The following AEBP2 variants were observed in gnomAD, a reference collection of about 807,000 sequenced individuals.
AEBP2 encodes the protein zinc finger protein AEBP2.
Under a neutral mutation model 50.8 loss-of-function variants are expected in AEBP2, and 10 were observed. The ratio of observed to expected loss-of-function variants is 0.20; its 90% CI spans 0.12 to 0.33. The LOEUF is 0.33. Among genes scored for constraint, AEBP2 ranks in the 10% least tolerant of loss-of-function variants. The probability of loss-of-function intolerance (pLI) is 1.00; values close to 1 mark genes in which losing one functional copy is unlikely to be tolerated. For missense variants in AEBP2, 570 were observed against 688.0 expected, an observed-to-expected ratio of 0.83 and a Z score of 1.92; for synonymous variants, 296 against 261.3, an observed-to-expected ratio of 1.13 and a Z score of -1.28.
chr12:19,455,270 G>A (rs74234807), intron 1 of AEBP2, among the ~76,000 whole-genome samples: 7,295 of 152,136 alleles, frequency 0.048, 396 homozygotes, highest in Admixed American at 0.15. Flanking sequence ...TGGGATTGTA[G>A]GCGTGAGCCA....
chr12:19,413,972 C>T (rs1818106305), intron 1 of AEBP2, among the ~76,000 whole-genome samples: 1 of 151,882 alleles, frequency 6.6e-6, no homozygotes, highest in Admixed American at 6.6e-5. Flanking sequence ...CAGCTCACTG[C>T]AACCTCTGCT....
chr12:19,446,183 AATACT>A (rs1383835302), intron 1 of AEBP2: 44 of 152,334 alleles, frequency 2.9e-4, no homozygotes, highest in African/African-American at 9.9e-4. Flanking sequence ...ATTGGTCTTA[AATACT>A]AAGACCCATT....
At chr12:19,468,156 GTA>G (rs1555184151) in intron 2 of AEBP2, among the ~76,000 whole-genome samples, 3 of 150,358 alleles carry the variant, frequency 2.0e-5, no homozygotes, top group Non-Finnish European at 2.9e-5. Flanking sequence ...GTGTGTGTGT[GTA>G]TGTGTTTTTA....
intron 1 of AEBP2, among the ~76,000 whole-genome samples, chr12:19,425,860 G>T (rs2095748261): frequency 6.6e-6 from 1 of 151,302 alleles, no homozygotes; most frequent in South Asian, 2.1e-4. Flanking sequence ...CCTTATGTTT[G>T]CATGAACAGC....
intron 5 of AEBP2, among the ~76,000 whole-genome samples, chr12:19,511,996 G>T (rs547719273): frequency 6.6e-6 from 1 of 152,040 alleles, no homozygotes; most frequent in Non-Finnish European, 1.5e-5. Context: ...ATCTCTTCCA[G>T]GGTATGAACA....
chr12:19,445,829 T>A (rs917260400), intron 1 of AEBP2: 1 of 152,354 alleles, frequency 6.6e-6, no homozygotes, highest in South Asian at 2.1e-4. Context: ...AGCCTTCATA[T>A]GAAACCTTTC....
chr12:19,420,508 A>G (rs116292416), intron 1 of AEBP2, among the ~76,000 whole-genome samples: 1 of 148,180 alleles, frequency 6.7e-6, no homozygotes, highest in African/African-American at 2.5e-5. Flanking sequence ...TAATTTTTCT[A>G]TTTCTAGTAG....
chr12:19,431,794 G>A (rs2095751571), intron 1 of AEBP2, among the ~76,000 whole-genome samples: 2 of 152,130 alleles, frequency 1.3e-5, no homozygotes, highest in South Asian at 4.1e-4. Flanking sequence ...CTCTTTTTAT[G>A]CATACTTTCT....
At chr12:19,463,617 T>A (rs1948416256) in intron 2 of AEBP2, among the ~76,000 whole-genome samples, 1 of 151,064 alleles carries the variant, frequency 6.6e-6, no homozygotes. Flanking sequence ...TTTTTAAACA[T>A]CCAACCGGGT....
At chr12:19,481,010 G>A (rs1199095763) in intron 3 of AEBP2, among the ~76,000 whole-genome samples, 1 of 145,618 alleles carries the variant, frequency 6.9e-6, no homozygotes, top group African/African-American at 2.6e-5. Flanking sequence ...CTTTGTCTTT[G>A]TCTGATTGGG....
intron 6 of AEBP2, among the ~76,000 whole-genome samples, chr12:19,514,257 C>T (rs1949286581): frequency 6.6e-6 from 1 of 152,044 alleles, no homozygotes; most frequent in African/African-American, 2.4e-5. Flanking sequence ...CCCTTGGCCT[C>T]CCAAAGTGCT....
chr12:19,493,096 C>T (rs184114565), intron 3 of AEBP2, among the ~76,000 whole-genome samples: 27 of 152,112 alleles, frequency 1.8e-4, no homozygotes, highest in Admixed American at 7.9e-4. Flanking sequence ...TAGCATGTAA[C>T]GTAAAAAAAA....
intron 2 of AEBP2, among the ~76,000 whole-genome samples, chr12:19,472,041 A>G (rs1013532148): frequency 6.6e-6 from 1 of 152,192 alleles, no homozygotes; most frequent in Admixed American, 6.5e-5. Flanking sequence ...TAACTTCTCT[A>G]AACAGTCTTG....
intron 1 of AEBP2, among the ~76,000 whole-genome samples, chr12:19,411,130 GAA>G (rs2153363230): frequency 6.6e-6 from 1 of 152,228 alleles, no homozygotes; most frequent in Non-Finnish European, 1.5e-5. Flanking sequence ...ATAAACTAAA[GAA>G]AAGGCAAAGC....
chr12:19,495,800 T>C (rs1173473783), intron 4 of AEBP2, among the ~76,000 whole-genome samples: 1 of 152,164 alleles, frequency 6.6e-6, no homozygotes, highest in Non-Finnish European at 1.5e-5. Flanking sequence ...CACTTCAGCC[T>C]CCCAAAGTGC....
chr12:19,473,204 G>T, intron 2 of AEBP2, 44 bp from the exon 3 acceptor site: 1 of 958,654 alleles, frequency 1.0e-6, no homozygotes. Context: ...AACTCTTCTT[G>T]AGATAAGTCA....
intron 4 of AEBP2, among the ~76,000 whole-genome samples, chr12:19,499,615 T>TAA (rs59023233): frequency 1.4e-5 from 2 of 146,078 alleles, no homozygotes; most frequent in Admixed American, 6.8e-5. Flanking sequence ...CTCTGTCTCT[T>TAA]AAAAAAAAAA....
At chr12:19,476,466 C>T (rs775599572) in intron 3 of AEBP2, among the ~76,000 whole-genome samples, 4 of 152,096 alleles carry the variant, frequency 2.6e-5, no homozygotes, top group African/African-American at 4.8e-5. Flanking sequence ...CTCAGACTCC[C>T]GAGTAGCTGG....
At chr12:19,493,769 C>T (rs1322235557) in intron 3 of AEBP2, 31 bp from the exon 4 acceptor site, 11 of 1,603,610 alleles carry the variant, frequency 6.9e-6, no homozygotes, top group Non-Finnish European at 8.5e-6. Context: ...CACAGCATGC[C>T]TGACGTTATT....
Sources: allele counts gnomAD v4.1 joint callset (sites outside exome capture counted in the v4.1 genomes callset), GRCh38; gene constraint gnomAD v4.1.1; transcripts MANE v1.5; gene names NCBI Gene and HGNC (gene_info 2026-07-23, HGNC 2026-07-21).